Variants in LRP1B observed in about 807,000 individuals in gnomAD.
LRP1B encodes LDL receptor related protein 1B, also known as low-density lipoprotein receptor-related protein 1B.
In LRP1B, 217 loss-of-function variants were observed where a neutral mutation model predicts 556.6. That is an observed-to-expected ratio of 0.39 (90% CI 0.35 to 0.44). LRP1B has a LOEUF of 0.44. Among genes scored for constraint, LRP1B ranks in the 20% least tolerant of loss-of-function variants. The pLI, the probability that LRP1B is intolerant of heterozygous loss-of-function variation, is 1.00. For missense variants in LRP1B, 5,053 were observed against 5,620.8 expected (o/e 0.90, Z 3.23); for synonymous variants, 2,047 against 1,865.8 (o/e 1.10, Z -2.50).
At chr2:140,321,819 A>T in intron 82 of LRP1B, 144 bp downstream of exon 82, 1 of 726,672 alleles carries the variant, frequency 1.4e-6, no homozygotes, top group Non-Finnish European at 2.3e-6. Context: ...AGAGAAAAGT[A>T]CAGTTTACAC....
At chr2:140,274,396 T>C (rs2104951571) in intron 85 of LRP1B, 28 bp downstream of exon 85, 1 of 1,602,572 alleles carries the variant, frequency 6.2e-7, no homozygotes, top group Non-Finnish European at 8.5e-7. Flanking sequence ...CCAAATGCTT[T>C]TATAAATTAA....
Position 142,014,107 on chromosome 2 carries a change from C to T in LRP1B, c.82+116541G>A, listed in dbSNP as rs980416097. ...ATACAAGCATTGTACCTAGAGTGGA[C>T]GCATTCCTCCTCTTACTTTCAGGAA... is the stretch of plus-strand genomic sequence containing the variant. On this transcript the variant is annotated intron_variant, in intron 1 of 90. Coordinates refer to ENST00000389484, the MANE Select transcript of LRP1B (RefSeq NM_018557.3). Among the ~76,000 whole-genome samples the T allele has an allele frequency of 3.3e-5, 5 of 150,334 alleles. 1 individual carries two copies. Among genetic ancestry groups the T allele is most frequent in the East Asian group, 3.9e-4 (2 of 5,176 alleles).
intron 2 of LRP1B, among the ~76,000 whole-genome samples, chr2:141,582,998 G>A (rs190500742): frequency 4.0e-5 from 6 of 151,782 alleles, no homozygotes; most frequent in African/African-American, 7.3e-5. Flanking sequence ...ACCATGCCTG[G>A]CTAATTTTTT....
intron 31 of LRP1B, among the ~76,000 whole-genome samples, chr2:140,818,732 C>G (rs143573891): frequency 0.012 from 1,893 of 151,936 alleles, 46 homozygotes; most frequent in African/African-American, 0.044. Context: ...GTTAAGAGGT[C>G]GAGACCAGCC....
intron 1 of LRP1B, among the ~76,000 whole-genome samples, chr2:141,998,118 CTGTT>C (rs1452223659): frequency 6.6e-6 from 1 of 152,162 alleles, no homozygotes; most frequent in Non-Finnish European, 1.5e-5. Context: ...ACATCTATCT[CTGTT>C]TGGAAACCCA....
rs566255388 is a variant in LRP1B, at chr2:142,063,534, A to C, written c.82+67114T>G. On this transcript the variant is annotated intron_variant, in intron 1 of 90. Coordinates refer to ENST00000389484, the MANE Select transcript of LRP1B (RefSeq NM_018557.3). Reference sequence around the variant, plus strand: ...ATGTCTGCCTCTACTGGCTTTAAAAATAATTATACCAGAGACTTCTAAGTT... The same window carrying C: ...ATGTCTGCCTCTACTGGCTTTAAAACTAATTATACCAGAGACTTCTAAGTT... Among the ~76,000 whole-genome samples, 14 of 151,814 alleles carry C rather than the reference A, an allele frequency of 9.2e-5. No individual in the cohort carries two copies. In the South Asian group the frequency reaches 2.5e-3, roughly 27 times the overall value.
rs7572789 is a variant in LRP1B at position 141,168,892 on chromosome 2, C to T, written c.1013+19529G>A. Among the ~76,000 whole-genome samples, 588 of 152,116 alleles carry T rather than the reference C, an allele frequency of 3.9e-3. 5 individuals are homozygous for T. Among genetic ancestry groups the T allele is most frequent in the African/African-American group, 0.013 (533 of 41,526 alleles). ...TACAAGCAAAGAGCTTACAAAATAACACAGCAGATGGAGTAAATGCAAGCA... is the reference window on the plus strand; with the variant it reads ...TACAAGCAAAGAGCTTACAAAATAATACAGCAGATGGAGTAAATGCAAGCA... On this transcript the variant is annotated intron_variant, in intron 7 of 90. Coordinates refer to ENST00000389484, the MANE Select transcript of LRP1B (RefSeq NM_018557.3).
At position 140,994,133 on chromosome 2, in the gene LRP1B, T is replaced by G; in HGVS notation, c.2506A>C (p.Asn836His). ...LDENGTTCTF[N>H]PGEALPHICK... ...ATGTGAGGTAGTGCTTCTCCAGGAT[T>G]AACTAGAGTTAAAAAAACCCAAGGT... The change falls in exon 16 of 91, where the codon AAT becomes CAT. Residue 836 changes from asparagine to histidine, a missense_variant and splice_region_variant. By Grantham distance (68) the Asn-to-His change is moderately conservative. Coordinates refer to ENST00000389484, the MANE Select transcript of LRP1B (RefSeq NM_018557.3). The G allele has an allele frequency of 6.2e-7, 1 of 1,611,798 alleles. No individual in the cohort carries two copies. Among genetic ancestry groups the G allele is most frequent in the Non-Finnish European group, 8.5e-7 (1 of 1,178,644 alleles).
chr2:141,514,340 C>T (rs903563630), intron 2 of LRP1B, among the ~76,000 whole-genome samples: 1 of 152,186 alleles, frequency 6.6e-6, no homozygotes, highest in South Asian at 2.1e-4. Flanking sequence ...CTATCTTGCT[C>T]TCCATCCACG....
At chr2:140,520,798 G>GAAAAAAAA (rs757383865) in intron 49 of LRP1B, among the ~76,000 whole-genome samples, 50 of 86,460 alleles carry the variant, frequency 5.8e-4, no homozygotes, top group Non-Finnish European at 7.7e-4. Flanking sequence ...TAAGAAAACA[G>GAAAAAAAA]AAAAAAAAAA....
intron 18 of LRP1B, among the ~76,000 whole-genome samples, chr2:140,970,743 T>C (rs1040114701): frequency 0.14 from 1,672 of 11,800 alleles, 204 homozygotes; most frequent in Middle Eastern, 0.23. Context: ...TTTTTTTTTT[T>C]TTTTTTTTTT....
At chr2:141,048,302 G>A (rs748417420) in intron 11 of LRP1B, among the ~76,000 whole-genome samples, 1 of 151,874 alleles carries the variant, frequency 6.6e-6, no homozygotes, top group Non-Finnish European at 1.5e-5. Flanking sequence ...TTTATTATTT[G>A]CAATCTTTTC....
At chr2:141,425,683 T>G (rs970672479) in intron 3 of LRP1B, among the ~76,000 whole-genome samples, 70 of 151,486 alleles carry the variant, frequency 4.6e-4, no homozygotes, top group African/African-American at 1.6e-3. Context: ...ATGATGAGCA[T>G]TTTTTCATGT....
chr2:141,260,882 C>T (rs1411933201), intron 3 of LRP1B, among the ~76,000 whole-genome samples: 1 of 152,040 alleles, frequency 6.6e-6, no homozygotes, highest in East Asian at 1.9e-4. Context: ...ATTTCATTCT[C>T]AATTTTAGTA....
intron 1 of LRP1B, among the ~76,000 whole-genome samples, chr2:141,857,018 A>C (rs890314519): frequency 1.3e-5 from 2 of 151,898 alleles, no homozygotes; most frequent in African/African-American, 4.8e-5. Context: ...ATTATTCTCT[A>C]CATTCTAGAT....
rs1220083859 is a variant in LRP1B, at chr2:142,115,849, T to TG, written c.82+14798_82+14799insC. Among the ~76,000 whole-genome samples the TG allele has an allele frequency of 4.0e-4, 4 of 9,972 alleles. 1 individual carries two copies. The highest frequency in any genetic ancestry group is 1.4e-3 in the African/African-American group (4 of 2,844). 6.5% of individuals were successfully genotyped at this position (9,972 alleles called of 152,430 possible). A position where few individuals can be genotyped will look rare whatever the true frequency, so the allele number is the denominator to read the frequency against. ...ATATATCATATATATGTAATATATA[T>TG]ATATACATATATATATATATGGGGG... On this transcript the variant is annotated intron_variant, in intron 1 of 90. Transcript: ENST00000389484.
intron 83 of LRP1B, among the ~76,000 whole-genome samples, chr2:140,309,089 A>C (rs1420690825): frequency 6.6e-6 from 1 of 151,878 alleles, no homozygotes; most frequent in Non-Finnish European, 1.5e-5. Flanking sequence ...GAGATTTGAC[A>C]TTCTACTTTT....
intron 31 of LRP1B, among the ~76,000 whole-genome samples, chr2:140,820,200 G>C (rs1341646798): frequency 6.6e-6 from 1 of 152,026 alleles, no homozygotes; most frequent in Non-Finnish European, 1.5e-5. Context: ...GGCTAGTCTT[G>C]AACTCCTGGC....
chr2:141,066,195 T>C (rs1181668350), intron 7 of LRP1B, among the ~76,000 whole-genome samples: 1 of 152,020 alleles, frequency 6.6e-6, no homozygotes, highest in East Asian at 1.9e-4. Flanking sequence ...ATTCATCCTG[T>C]TCTTTATTTT....
Sources: allele counts gnomAD v4.1 joint callset (sites outside exome capture counted in the v4.1 genomes callset), GRCh38; gene constraint gnomAD v4.1.1; transcripts MANE v1.5; gene names NCBI Gene and HGNC (gene_info 2026-07-23, HGNC 2026-07-21).